The following KCNH1 variants were observed in gnomAD, a reference collection of about 807,000 sequenced individuals.
KCNH1 encodes potassium voltage-gated channel subfamily H member 1.
Under a neutral mutation model 69.2 loss-of-function variants are expected in KCNH1, and 27 were observed. That is an observed-to-expected ratio of 0.39 (90% CI 0.29 to 0.54). The LOEUF (loss-of-function observed/expected upper bound fraction) is 0.54, where lower values mean the gene tolerates loss of function less well. Ranked by LOEUF, KCNH1 falls within the 20% of genes least tolerant of loss-of-function variation. The pLI is 0.68. For missense variants in KCNH1, 798 were observed against 1,261.6 expected, an observed-to-expected ratio of 0.63 and a Z score of 5.57; for synonymous variants, 456 against 487.7, an observed-to-expected ratio of 0.93 and a Z score of 0.86.
intron 6 of KCNH1, among the ~76,000 whole-genome samples, chr1:210,962,013 A>G (rs1271233522): frequency 1.3e-5 from 2 of 152,134 alleles, no homozygotes; most frequent in East Asian, 1.9e-4. Context: ...CTTGACTTCA[A>G]GTAGTTTTTA....
intron 5 of KCNH1, among the ~76,000 whole-genome samples, chr1:211,057,986 C>A (rs1690344743): frequency 6.6e-6 from 1 of 152,014 alleles, no homozygotes; most frequent in Non-Finnish European, 1.5e-5. Context: ...AAACAACACA[C>A]AAAAGAGCTC....
chr1:210,998,963 G>T, intron 6 of KCNH1, among the ~76,000 whole-genome samples: 1 of 152,154 alleles, frequency 6.6e-6, no homozygotes, highest in Admixed American at 6.5e-5. Flanking sequence ...CTTTGAAACC[G>T]ATGAGAACAA....
chr1:210,888,438 C>T (rs1232862227), intron 7 of KCNH1, among the ~76,000 whole-genome samples: 4 of 152,162 alleles, frequency 2.6e-5, no homozygotes, highest in East Asian at 1.9e-4. Context: ...TAGCACTAAA[C>T]GCCCACAGGA....
Position 210,816,777 on chromosome 1 carries a change from G to C in KCNH1, c.1463-12611C>G, listed in dbSNP as rs543574701. 2.0e-3 allele frequency among the ~76,000 whole-genome samples: 302 copies of C among 152,164 alleles called. 3 individuals are homozygous for C. Among genetic ancestry groups the C allele is most frequent in the African/African-American group, 7.1e-3 (294 of 41,506 alleles). ...TAAACAAGCATGTTAATCTTAACTA[G>C]GCCCATTTTCCAATAGTAGTTACAG... On this transcript the variant is annotated intron_variant, in intron 7 of 10. Coordinates refer to ENST00000271751, the MANE Select transcript of KCNH1 (RefSeq NM_172362.3).
intron 6 of KCNH1, among the ~76,000 whole-genome samples, chr1:210,959,436 C>G (rs1263062667): frequency 6.6e-6 from 1 of 152,160 alleles, no homozygotes; most frequent in Non-Finnish European, 1.5e-5. Context: ...CTGGGAGAAC[C>G]ACTGCTCTCT....
chr1:210,982,938 C>T (rs1485692961), intron 6 of KCNH1, among the ~76,000 whole-genome samples: 2 of 152,170 alleles, frequency 1.3e-5, no homozygotes, highest in Admixed American at 1.3e-4. Context: ...CCTGCTGTTT[C>T]CTGACTTTTT....
At chr1:210,891,990 C>T (rs1453608735) in intron 7 of KCNH1, among the ~76,000 whole-genome samples, 1 of 152,114 alleles carries the variant, frequency 6.6e-6, no homozygotes, top group East Asian at 1.9e-4. Context: ...CATGTTCTCA[C>T]TCATAAGTGG....
In KCNH1 at chr1:210,795,126, TTTGTTGTTG is replaced by T. The variant is rs141102001; in HGVS notation, c.1915+2373_1915+2381del. 1.4e-4 allele frequency among the ~76,000 whole-genome samples: 21 copies of T among 151,342 alleles called. No individual in the cohort carries two copies. The South Asian group carries it at 1.9e-3, about 14-fold the overall frequency. On this transcript the variant is annotated intron_variant, in intron 9 of 10. Transcript: ENST00000271751. ...CCCACCCAATTTCTTTTTGCTTGTTTTTGTTGTTGTTGTTGTTGTTGTTGTTTGTTTGTT... is the reference window on the plus strand; with the variant it reads ...CCCACCCAATTTCTTTTTGCTTGTTTTTGTTGTTGTTGTTGTTTGTTTGTT...
At chr1:211,085,720 C>T (rs1400266823) in intron 4 of KCNH1, among the ~76,000 whole-genome samples, 1 of 152,162 alleles carries the variant, frequency 6.6e-6, no homozygotes, top group Admixed American at 6.5e-5. Flanking sequence ...AGATTAAAAA[C>T]ATAGGAAGAG....
At chr1:211,111,546 G>GC (rs1224755983) in intron 1 of KCNH1, among the ~76,000 whole-genome samples, 1 of 145,296 alleles carries the variant, frequency 6.9e-6, no homozygotes, top group African/African-American at 2.6e-5. Context: ...CCTCTGCCCG[G>GC]CCCCCCGCCC....
At chr1:210,957,214 T>A (rs1302315901) in intron 6 of KCNH1, among the ~76,000 whole-genome samples, 1 of 152,194 alleles carries the variant, frequency 6.6e-6, no homozygotes, top group Non-Finnish European at 1.5e-5. Context: ...TTCCATGTAG[T>A]TGTGAAGTCT....
chr1:210,765,399 T>G (rs543144187), intron 10 of KCNH1, among the ~76,000 whole-genome samples: 3 of 152,256 alleles, frequency 2.0e-5, no homozygotes, highest in Non-Finnish European at 2.9e-5. Context: ...AATCTAAAAT[T>G]TAATAAAACA....
At chr1:210,713,545 G>A (rs1019798238) in intron 10 of KCNH1, among the ~76,000 whole-genome samples, 2 of 152,214 alleles carry the variant, frequency 1.3e-5, no homozygotes, top group African/African-American at 4.8e-5. Flanking sequence ...TCTCCATAAA[G>A]AAATAGATCG....
chr1:210,998,464 A>G (rs928921223), intron 6 of KCNH1, among the ~76,000 whole-genome samples: 3 of 152,240 alleles, frequency 2.0e-5, no homozygotes, highest in Non-Finnish European at 4.4e-5. Flanking sequence ...AGAGCTAACT[A>G]TCCTAAATAT....
chr1:210,689,318 C>T (rs1029996528), intron 10 of KCNH1, among the ~76,000 whole-genome samples: 3 of 152,218 alleles, frequency 2.0e-5, no homozygotes, highest in South Asian at 2.1e-4. Context: ...CAGCTCTTCT[C>T]GTGCCTAACC....
chr1:211,078,039 T>C (rs897377792), intron 5 of KCNH1, among the ~76,000 whole-genome samples: 2 of 151,860 alleles, frequency 1.3e-5, no homozygotes, highest in Non-Finnish European at 2.9e-5. Context: ...TACATAATGG[T>C]AAAGGGATCA....
At chr1:211,070,512 C>T (rs1690622429) in intron 5 of KCNH1, among the ~76,000 whole-genome samples, 1 of 148,726 alleles carries the variant, frequency 6.7e-6, no homozygotes, top group Non-Finnish European at 1.5e-5. Context: ...CTAAGATAAC[C>T]AAAAAATTCC....
At chr1:211,102,012 T>G (rs1403142478) in intron 3 of KCNH1, among the ~76,000 whole-genome samples, 1 of 152,210 alleles carries the variant, frequency 6.6e-6, no homozygotes. Flanking sequence ...ATGCTGATTC[T>G]TTGGTAGCCC....
At chr1:210,748,219 C>T (rs1043389373) in intron 10 of KCNH1, among the ~76,000 whole-genome samples, 4 of 152,172 alleles carry the variant, frequency 2.6e-5, no homozygotes, top group Admixed American at 1.3e-4. Flanking sequence ...CAGGGCGTGA[C>T]GCAGGAGTGG....
Sources: gnomAD v4.1 joint callset for allele counts (sites outside exome capture counted in the v4.1 genomes callset) on GRCh38, gnomAD v4.1.1 for gene constraint, MANE v1.5 for transcripts, NCBI Gene and HGNC (gene_info 2026-07-23, HGNC 2026-07-21) for gene names.